Variants in SLFN12 observed in about 807,000 individuals in gnomAD.
SLFN12 encodes the protein schlafen family member 12, also known as ribonuclease SLFN12.
Under a neutral mutation model 29.1 loss-of-function variants are expected in SLFN12, and 25 were observed. That is an observed-to-expected ratio of 0.86 (90% CI 0.63 to 1.20). The LOEUF (loss-of-function observed/expected upper bound fraction) is 1.20, where lower values mean the gene tolerates loss of function less well. SLFN12 is among the 50% of genes most tolerant of loss of function. The pLI is 0.00. For missense variants in SLFN12, 660 were observed against 666.2 expected (o/e 0.99, Z 0.10); for synonymous variants, 257 against 238.7 (o/e 1.08, Z -0.71).
intron 3 of SLFN12, among the ~76,000 whole-genome samples, chr17:35,418,792 A>C (rs1003209691): frequency 6.6e-6 from 1 of 152,134 alleles, no homozygotes; most frequent in Non-Finnish European, 1.5e-5. Context: ...GTTGTTATCC[A>C]CATGGAATAA....
chr17:35,430,149 G>C (rs536733583), intron 1 of SLFN12, among the ~76,000 whole-genome samples: 1 of 152,174 alleles, frequency 6.6e-6, no homozygotes, highest in African/African-American at 2.4e-5. Flanking sequence ...CCACCATTCT[G>C]AAGTCCTCAA....
upstream of SLFN12, chr17:35,432,600 T>C (rs1164693584): frequency 6.6e-6 from 1 of 152,144 alleles, no homozygotes; most frequent in Non-Finnish European, 1.5e-5. Flanking sequence ...ACATGAAGAC[T>C]TGGCCCTGGA....
chr17:35,422,614 C>T lies in SLFN12; in HGVS notation c.415G>A (p.Ala139Thr), dbSNP rs1331825859. The change falls in exon 2 of 4, where the codon GCC becomes ACC. Residue 139 changes from alanine (A) to threonine (T), a missense_variant. Transcript: ENST00000304905. ...TTGAGGAACTCCAGTGCAGCAGTGG[C>T]ATTCATGACTTTTGCAGATGTTATA... ...RDITSAKVMN[A>T]TAALEFLKDM... 1.2e-6 allele frequency: 2 copies of T among 1,613,952 alleles called. No homozygotes were observed. The highest frequency in any genetic ancestry group is 1.3e-5 in the African/African-American group (1 of 75,022).
upstream of SLFN12, chr17:35,432,970 G>C (rs1912404951): frequency 6.6e-6 from 1 of 152,182 alleles, no homozygotes; most frequent in Non-Finnish European, 1.5e-5. Flanking sequence ...ATGCCAGCGT[G>C]GACCCTTGAG....
intron 3 of SLFN12, among the ~76,000 whole-genome samples, chr17:35,414,343 T>C (rs1350494033): frequency 6.6e-6 from 1 of 151,634 alleles, no homozygotes. Flanking sequence ...TATAAAGAAA[T>C]CAAGAAAACA....
intron 1 of SLFN12, among the ~76,000 whole-genome samples, chr17:35,426,737 G>A (rs1333222074): frequency 6.6e-6 from 1 of 152,090 alleles, no homozygotes; most frequent in Admixed American, 6.5e-5. Context: ...TCAGTGATGG[G>A]CTAAGTATAC....
At position 35,420,306 on chromosome 17, in the gene SLFN12, A is replaced by G. The variant is rs1911548316; in HGVS notation, c.1115T>C (p.Leu372Ser). 5.6e-6 allele frequency: 9 copies of G among 1,613,754 alleles called. No individual in the cohort carries two copies. The highest frequency in any genetic ancestry group is 6.8e-6 in the Non-Finnish European group (8 of 1,179,708). ...GTGATGTCTCTGCCGTTGCCATTCCAAAAGAGGCCAACTGTGGGGAGCAGG... is the reference window on the plus strand; with the variant it reads ...GTGATGTCTCTGCCGTTGCCATTCCGAAAGAGGCCAACTGTGGGGAGCAGG... ...SLPAPHSWPLLEWQRQRHHCP... is the reference protein window; with the variant it reads ...SLPAPHSWPLSEWQRQRHHCP... Residue 372 changes from leucine (L) to serine (S), a missense_variant, in exon 3 of 4, where the codon TTG (leucine) becomes TCG (serine). Physicochemically the swap from Leu to Ser is moderately radical, Grantham distance 145. Coordinates refer to ENST00000304905, the MANE Select transcript of SLFN12 (RefSeq NM_018042.5).
rs988274400 is a variant in SLFN12 at position 35,422,474 on chromosome 17, A to C, written c.555T>G (p.Phe185Leu). ...CTTTCCGATCAAGTTCTGTTCTATC[A>C]AAAAAAACCCCGGCCAAGGCCTTCA... Reference protein sequence around the residue: ...NNMKALAGVFFDRTELDRKEK... With the variant: ...NNMKALAGVFLDRTELDRKEK... Residue 185 changes from phenylalanine (F) to leucine (L), a missense_variant, in exon 2 of 4, where the codon TTT becomes TTG. Physicochemically the swap from Phe to Leu is conservative, Grantham distance 22. Transcript: ENST00000304905. The C allele has an allele frequency of 3.1e-6, 5 of 1,604,050 alleles. No individual in the cohort carries two copies. The highest frequency in any genetic ancestry group is 4.3e-6 in the Non-Finnish European group (5 of 1,175,996).
chr17:35,412,197 G>A (rs925936115), intron 3 of SLFN12, among the ~76,000 whole-genome samples: 2 of 152,000 alleles, frequency 1.3e-5, no homozygotes, highest in Non-Finnish European at 2.9e-5. Context: ...TCATGGCATG[G>A]GTAAATAGAA....
chr17:35,426,175 T>C (rs908301314), intron 1 of SLFN12, among the ~76,000 whole-genome samples: 3 of 151,932 alleles, frequency 2.0e-5, no homozygotes, highest in Non-Finnish European at 4.4e-5. Flanking sequence ...TTTGGGTTTC[T>C]TATATATTTT....
At chr17:35,411,995 T>G in intron 3 of SLFN12, 68 bp from the exon 4 acceptor site, 4 of 1,234,060 alleles carry the variant, frequency 3.2e-6, no homozygotes, top group Non-Finnish European at 4.4e-6. Context: ...CATGGCAAAG[T>G]AGCTTGTAAA....
At chr17:35,415,545 A>G (rs1345036908) in intron 3 of SLFN12, among the ~76,000 whole-genome samples, 1 of 152,176 alleles carries the variant, frequency 6.6e-6, no homozygotes, top group African/African-American at 2.4e-5. Context: ...GCTTCTGCAC[A>G]GCAAAAGAAA....
chr17:35,424,302 G>A (rs949693209), intron 1 of SLFN12, among the ~76,000 whole-genome samples: 1 of 151,552 alleles, frequency 6.6e-6, no homozygotes. Flanking sequence ...TTTTTAAAGT[G>A]TAATTTAAGT....
chr17:35,428,881 T>G (rs573479196), intron 1 of SLFN12, among the ~76,000 whole-genome samples: 7 of 152,236 alleles, frequency 4.6e-5, no homozygotes, highest in Admixed American at 4.6e-4. Context: ...TCTTCATATT[T>G]CTTGCACATG....
Position 35,411,190 on chromosome 17 carries a change from G to T in SLFN12, c.*148C>A. On this transcript the variant is annotated 3_prime_UTR_variant, in exon 4 of 4. Coordinates refer to ENST00000304905, the MANE Select transcript of SLFN12 (RefSeq NM_018042.5). ...AACAATATCTGTGAAGATTATTTAG[G>T]GAGAAGTGAAAATAGACAAAACCCA... 1 of 577,584 alleles carries T rather than the reference G, an allele frequency of 1.7e-6. No homozygotes were observed. Among genetic ancestry groups the T allele is most frequent in the Non-Finnish European group, 3.0e-6 (1 of 337,550 alleles). The allele number at this position is 577,584 out of a possible 1,614,324, so 35.8% of individuals were successfully genotyped here. A position where few individuals can be genotyped will look rare whatever the true frequency, so the allele number is the denominator to read the frequency against.
intron 1 of SLFN12, 149 bp downstream of exon 1, chr17:35,432,039 C>A (rs1287517280): frequency 6.6e-6 from 1 of 152,162 alleles, no homozygotes; most frequent in Admixed American, 6.5e-5. Flanking sequence ...GAGTAGCCCC[C>A]GGCCAGAAAC....
intron 3 of SLFN12, among the ~76,000 whole-genome samples, chr17:35,419,912 A>G (rs1430577703): frequency 2.6e-5 from 4 of 152,160 alleles, no homozygotes; most frequent in African/African-American, 9.6e-5. Flanking sequence ...AGATAGATCA[A>G]TCAGAGATCC....
At chr17:35,431,627 A>C (rs1456587734) in intron 1 of SLFN12, among the ~76,000 whole-genome samples, 1 of 152,076 alleles carries the variant, frequency 6.6e-6, no homozygotes, top group Non-Finnish European at 1.5e-5. Flanking sequence ...GGTGGTCACC[A>C]GTGCCACTTT....
At chr17:35,426,937 T>C (rs1912052194) in intron 1 of SLFN12, among the ~76,000 whole-genome samples, 1 of 152,184 alleles carries the variant, frequency 6.6e-6, no homozygotes, top group South Asian at 2.1e-4. Flanking sequence ...ATTCTATGTC[T>C]CTAGCTATAA....
Sources: gnomAD v4.1 joint callset for allele counts (sites outside exome capture counted in the v4.1 genomes callset) on GRCh38, gnomAD v4.1.1 for gene constraint, MANE v1.5 for transcripts, NCBI Gene and HGNC (gene_info 2026-07-23, HGNC 2026-07-21) for gene names.